IL17RD: variants seen among roughly 807,000 people sequenced by gnomAD.
IL17RD encodes the protein interleukin 17 receptor D.
In IL17RD, 52 loss-of-function variants were observed where a neutral mutation model predicts 80.5. The observed-to-expected ratio is 0.65, with a 90% CI of 0.52 to 0.81. IL17RD has a LOEUF of 0.81. Ranked by LOEUF, IL17RD falls within the 40% of genes least tolerant of loss-of-function variation. The pLI is 0.00. For synonymous variants in IL17RD, 416 were observed against 391.8 expected (o/e 1.06, Z -0.73); for missense variants, 1,024 against 955.1 (o/e 1.07, Z -0.95).
At chr3:57,121,295 T>C (rs1306498777) in intron 1 of IL17RD, among the ~76,000 whole-genome samples, 1 of 152,140 alleles carries the variant, frequency 6.6e-6, no homozygotes, top group Non-Finnish European at 1.5e-5. Flanking sequence ...CAAAACAAAA[T>C]GTGGAGAACA....
upstream of IL17RD, among the ~76,000 whole-genome samples, chr3:57,168,597 T>C (rs1175849030): frequency 6.6e-6 from 1 of 152,238 alleles, no homozygotes; most frequent in African/African-American, 2.4e-5. Context: ...GGGTCAAATC[T>C]GGTCAGGAAA....
In IL17RD at chr3:57,165,324, C is replaced by G. The variant is rs1374821332; in HGVS notation, c.-38G>C. On this transcript the variant is annotated 5_prime_UTR_variant, in exon 1 of 13. Coordinates refer to ENST00000296318, the MANE Select transcript of IL17RD (RefSeq NM_017563.5). ...GCCCAGCCAGGCCGTTCTCTGCGCC[C>G]CGGCCGCCCGCCGCTGGCCAGCCCC... 2.3e-6 allele frequency: 3 copies of G among 1,314,826 alleles called. No individual in the cohort carries two copies. The Admixed American group carries it at 1.1e-4, about 48-fold the overall frequency. 81.4% of individuals were successfully genotyped at this position (1,314,826 alleles called of 1,614,324 possible). A position where few individuals can be genotyped will look rare whatever the true frequency, so the allele number is the denominator to read the frequency against.
chr3:57,128,076 C>T (rs554522248), intron 1 of IL17RD, among the ~76,000 whole-genome samples: 9 of 152,298 alleles, frequency 5.9e-5, no homozygotes, highest in Non-Finnish European at 1.3e-4. Flanking sequence ...CTCCACATTC[C>T]CAGGAGCTGT....
At chr3:57,127,211 AATAT>A (rs1165463213) in intron 1 of IL17RD, among the ~76,000 whole-genome samples, 4 of 111,048 alleles carry the variant, frequency 3.6e-5, no homozygotes, top group Non-Finnish European at 6.7e-5. Context: ...TATATATAAA[AATAT>A]ATATAAATAT....
At chr3:57,143,293 C>G (rs1048730118) in intron 1 of IL17RD, among the ~76,000 whole-genome samples, 4 of 152,210 alleles carry the variant, frequency 2.6e-5, no homozygotes, top group African/African-American at 9.6e-5. Context: ...TTTGTTTGCA[C>G]AGGCACAAAA....
At chr3:57,156,679 T>C (rs2060269369) in intron 1 of IL17RD, among the ~76,000 whole-genome samples, 3 of 152,174 alleles carry the variant, frequency 2.0e-5, no homozygotes, top group South Asian at 4.1e-4. Flanking sequence ...CGTTCACCTG[T>C]TGGAGAAATC....
At chr3:57,114,850 T>C (rs770364778) in intron 2 of IL17RD, 33 bp from the exon 3 acceptor site, 1 of 1,496,590 alleles carries the variant, frequency 6.7e-7, no homozygotes, top group Admixed American at 2.4e-5. Flanking sequence ...ACAGTTAAAT[T>C]TAAAATTTCA....
At chr3:57,155,763 G>A (rs1258911851) in intron 1 of IL17RD, among the ~76,000 whole-genome samples, 2 of 152,166 alleles carry the variant, frequency 1.3e-5, no homozygotes, top group Non-Finnish European at 1.5e-5. Context: ...GCTAATTTAT[G>A]TATTTTTAGT....
rs1225811782 is a variant in IL17RD, at chr3:57,127,333, T to A, written c.127-7020A>T. 1.3e-4 allele frequency among the ~76,000 whole-genome samples: 14 copies of A among 108,614 alleles called. 1 individual carries two copies. The highest frequency in any genetic ancestry group is 5.9e-4 in the African/African-American group (14 of 23,698). The allele number at this position is 108,614 out of a possible 152,430, so 71.3% of individuals were successfully genotyped here. A position where few individuals can be genotyped will look rare whatever the true frequency, so the allele number is the denominator to read the frequency against. On this transcript the variant is annotated intron_variant, in intron 1 of 12. Coordinates refer to ENST00000296318, the MANE Select transcript of IL17RD (RefSeq NM_017563.5). ...ATATATAAAAATATATATAAATATA[T>A]ATAAAAATATATATAAATATATATA...
intron 1 of IL17RD, among the ~76,000 whole-genome samples, chr3:57,135,784 C>T (rs948381013): frequency 1.3e-5 from 2 of 152,152 alleles, no homozygotes; most frequent in Non-Finnish European, 2.9e-5. Context: ...CTGTCATCAA[C>T]CATCATTTTC....
chr3:57,127,027 G>T (rs1707473637), intron 1 of IL17RD, among the ~76,000 whole-genome samples: 1 of 150,610 alleles, frequency 6.6e-6, no homozygotes, highest in Non-Finnish European at 1.5e-5. Context: ...GTTTTGCCAT[G>T]TTGGCCAGGC....
At chr3:57,128,363 G>A (rs1707537643) in intron 1 of IL17RD, among the ~76,000 whole-genome samples, 1 of 152,170 alleles carries the variant, frequency 6.6e-6, no homozygotes, top group Non-Finnish European at 1.5e-5. Context: ...CTGACATGTT[G>A]CTAATCAGCA....
At chr3:57,141,182 G>A (rs769975361) in intron 1 of IL17RD, among the ~76,000 whole-genome samples, 16 of 152,168 alleles carry the variant, frequency 1.1e-4, no homozygotes, top group African/African-American at 1.4e-4. Context: ...GATTACAGAC[G>A]TGAGCCACAG....
chr3:57,099,506 A>G (rs1366637269), intron 11 of IL17RD, among the ~76,000 whole-genome samples: 1 of 152,202 alleles, frequency 6.6e-6, no homozygotes, highest in East Asian at 1.9e-4. Flanking sequence ...CAGCCACACT[A>G]TCTTACAGGG....
chr3:57,167,131 A>G (rs925923194), upstream of IL17RD, among the ~76,000 whole-genome samples: 9 of 152,182 alleles, frequency 5.9e-5, no homozygotes, highest in African/African-American at 2.2e-4. Flanking sequence ...ATTGCCAGGG[A>G]GAGGGAGAAT....
intron 2 of IL17RD, among the ~76,000 whole-genome samples, chr3:57,119,213 G>T (rs1466169191): frequency 6.6e-6 from 1 of 152,092 alleles, no homozygotes; most frequent in Non-Finnish European, 1.5e-5. Context: ...TTAGCCTGGC[G>T]TGGTGGCAGG....
chr3:57,152,074 C>T (rs1388705921), intron 1 of IL17RD, among the ~76,000 whole-genome samples: 1 of 152,138 alleles, frequency 6.6e-6, no homozygotes, highest in African/African-American at 2.4e-5. Flanking sequence ...TTTCTGAAAT[C>T]AAAAGCACCT....
chr3:57,156,182 C>T (rs1440576860), intron 1 of IL17RD, among the ~76,000 whole-genome samples: 1 of 152,136 alleles, frequency 6.6e-6, no homozygotes, highest in South Asian at 2.1e-4. Flanking sequence ...GTGAAAAGTT[C>T]GGCAGAGAAA....
Position 57,110,240 on chromosome 3 carries a change from G to A in IL17RD, c.382C>T (p.Leu128=). The change falls in exon 4 of 13, where the codon CTG becomes TTG. Residue 128 remains leucine, a synonymous_variant. Coordinates refer to ENST00000296318, the MANE Select transcript of IL17RD (RefSeq NM_017563.5). ...LKSEGRQCQQ[L]ILKDPKQLNS... is the part of the protein sequence containing the mutation. Reference sequence around the variant, plus strand: ...AGCTGCTTCGGATCCTTTAGAATCAGTTGTTGGCACTGTCTTCCCTCCGAC... The same window carrying A: ...AGCTGCTTCGGATCCTTTAGAATCAATTGTTGGCACTGTCTTCCCTCCGAC... 6.2e-7 allele frequency: 1 copy of A among 1,609,188 alleles called. No homozygotes were observed. The highest frequency in any genetic ancestry group is 8.5e-7 in the Non-Finnish European group (1 of 1,177,658).
Sources: allele counts gnomAD v4.1 joint callset (sites outside exome capture counted in the v4.1 genomes callset), GRCh38; gene constraint gnomAD v4.1.1; transcripts MANE v1.5; gene names NCBI Gene and HGNC (gene_info 2026-07-23, HGNC 2026-07-21).